Variants in NLGN1 observed in about 807,000 individuals in gnomAD.
NLGN1 encodes the protein neuroligin-1.
A neutral mutation model predicts 65.5 loss-of-function variants in NLGN1; 12 were observed. The observed-to-expected ratio is 0.18, with a 90% CI of 0.12 to 0.30. The LOEUF is 0.30. Among genes scored for constraint, NLGN1 ranks in the 10% least tolerant of loss-of-function variants. The probability of loss-of-function intolerance (pLI) is 1.00; values close to 1 mark genes in which losing one functional copy is unlikely to be tolerated. For synonymous variants in NLGN1, 350 were observed against 359.5 expected (o/e 0.97, Z 0.30); for missense variants, 750 against 1,007.1 (o/e 0.74, Z 3.46).
At chr3:173,431,842 A>G (rs1346422497) in intron 1 of NLGN1, among the ~76,000 whole-genome samples, 1 of 152,108 alleles carries the variant, frequency 6.6e-6, no homozygotes, top group Non-Finnish European at 1.5e-5. Flanking sequence ...GAATAGTTTC[A>G]CTGCTCTAAA....
intron 4 of NLGN1, among the ~76,000 whole-genome samples, chr3:173,929,775 G>C (rs979288116): frequency 2.0e-5 from 3 of 151,104 alleles, no homozygotes; most frequent in Non-Finnish European, 4.4e-5. Context: ...CACGATCTTG[G>C]CTCACCGCAA....
At chr3:173,746,578 A>G (rs767921299) in intron 3 of NLGN1, among the ~76,000 whole-genome samples, 3 of 151,996 alleles carry the variant, frequency 2.0e-5, no homozygotes, top group Non-Finnish European at 4.4e-5. Flanking sequence ...CACGAAAACC[A>G]TTCTTGACTG....
At chr3:174,193,855 A>C (rs888939398) in intron 4 of NLGN1, among the ~76,000 whole-genome samples, 1 of 152,202 alleles carries the variant, frequency 6.6e-6, no homozygotes, top group Admixed American at 6.5e-5. Flanking sequence ...AAATATTTTC[A>C]TTACAAATTC....
chr3:173,762,575 CTG>C (rs1405752224), intron 3 of NLGN1, among the ~76,000 whole-genome samples: 1 of 151,978 alleles, frequency 6.6e-6, no homozygotes, highest in Non-Finnish European at 1.5e-5. Context: ...TAAAAAGAGA[CTG>C]TTTTATTATG....
At chr3:173,914,145 A>G (rs999563204) in intron 4 of NLGN1, among the ~76,000 whole-genome samples, 8 of 152,166 alleles carry the variant, frequency 5.3e-5, no homozygotes, top group African/African-American at 1.9e-4. Context: ...TCCAACAGCC[A>G]TCTCTCTTTG....
At chr3:173,661,483 G>T (rs1173601091) in intron 3 of NLGN1, among the ~76,000 whole-genome samples, 1 of 151,918 alleles carries the variant, frequency 6.6e-6, no homozygotes, top group Non-Finnish European at 1.5e-5. Flanking sequence ...TTGTGGTAAA[G>T]GTACCTAGTT....
intron 4 of NLGN1, among the ~76,000 whole-genome samples, chr3:174,052,019 G>A (rs1370575298): frequency 6.6e-6 from 1 of 151,984 alleles, no homozygotes; most frequent in African/African-American, 2.4e-5. Context: ...TATTCATGTG[G>A]CATAATCGGT....
At chr3:173,698,047 A>C (rs867801977) in intron 3 of NLGN1, among the ~76,000 whole-genome samples, 15 of 146,528 alleles carry the variant, frequency 1.0e-4, no homozygotes, top group East Asian at 6.1e-4. Flanking sequence ...AAAAAAAAAA[A>C]CAAACTTATT....
chr3:173,429,233 C>G (rs1024007302), intron 1 of NLGN1, among the ~76,000 whole-genome samples: 7 of 152,042 alleles, frequency 4.6e-5, no homozygotes, highest in African/African-American at 1.7e-4. Context: ...AACAGCCTGT[C>G]TTCATACTCT....
intron 1 of NLGN1, among the ~76,000 whole-genome samples, chr3:173,428,233 T>C (rs937162871): frequency 2.6e-5 from 4 of 151,996 alleles, no homozygotes; most frequent in South Asian, 2.1e-4. Context: ...CAGCATATGA[T>C]TGGGTCTTGT....
intron 3 of NLGN1, among the ~76,000 whole-genome samples, chr3:173,723,670 G>C (rs892355263): frequency 1.3e-5 from 2 of 152,166 alleles, no homozygotes; most frequent in African/African-American, 4.8e-5. Flanking sequence ...ATAAAAATAA[G>C]TGTGTATTAT....
intron 4 of NLGN1, among the ~76,000 whole-genome samples, chr3:174,149,823 T>C (rs892433860): frequency 6.6e-6 from 1 of 152,106 alleles, no homozygotes; most frequent in Non-Finnish European, 1.5e-5. Flanking sequence ...GGTTGGGTAT[T>C]AAATTGGTTT....
intron 4 of NLGN1, among the ~76,000 whole-genome samples, chr3:173,865,139 G>T (rs1560519685): frequency 6.6e-6 from 1 of 152,118 alleles, no homozygotes; most frequent in Non-Finnish European, 1.5e-5. Context: ...TCACTGTTAG[G>T]TGGCATCTTT....
chr3:174,278,332 A>C (rs1187319595), intron 5 of NLGN1, among the ~76,000 whole-genome samples: 1 of 152,000 alleles, frequency 6.6e-6, no homozygotes, highest in Non-Finnish European at 1.5e-5. Context: ...ACCCCAGGGT[A>C]TAAACAAACA....
chr3:174,198,212 T>C (rs930627733), intron 4 of NLGN1, among the ~76,000 whole-genome samples: 2 of 152,162 alleles, frequency 1.3e-5, no homozygotes, highest in African/African-American at 4.8e-5. Flanking sequence ...TTATCAGGTA[T>C]GTATTGTAGG....
At chr3:174,110,433 C>T (rs943523139) in intron 4 of NLGN1, among the ~76,000 whole-genome samples, 6 of 151,752 alleles carry the variant, frequency 4.0e-5, no homozygotes, top group Non-Finnish European at 5.9e-5. Context: ...TGCCTGGATC[C>T]GACATCCAGA....
chr3:173,930,099 C>T (rs889982780), intron 4 of NLGN1, among the ~76,000 whole-genome samples: 1 of 152,186 alleles, frequency 6.6e-6, no homozygotes, highest in Admixed American at 6.6e-5. Context: ...AGGTGCTAGT[C>T]ACGGTGAGAA....
At chr3:173,789,443 C>A (rs965242549) in intron 3 of NLGN1, among the ~76,000 whole-genome samples, 2 of 152,154 alleles carry the variant, frequency 1.3e-5, no homozygotes, top group Non-Finnish European at 2.9e-5. Flanking sequence ...GCAGAGCTTT[C>A]ACAAACACCA....
chr3:173,546,636 G>A (rs55987442), intron 2 of NLGN1, among the ~76,000 whole-genome samples: 55,661 of 151,902 alleles, frequency 0.37, 11,372 homozygotes, highest in East Asian at 0.8. Flanking sequence ...CTAATATTCC[G>A]CTATATTTCC....
Sources: gnomAD v4.1 joint callset for allele counts (sites outside exome capture counted in the v4.1 genomes callset) on GRCh38, gnomAD v4.1.1 for gene constraint, MANE v1.5 for transcripts, NCBI Gene and HGNC (gene_info 2026-07-23, HGNC 2026-07-21) for gene names.